Variants in FBLN2 observed in about 807,000 individuals in gnomAD.
FBLN2 encodes the protein fibulin-2.
FBLN2 carries 81 observed loss-of-function variants against 123.7 expected under a neutral mutation model. The ratio of observed to expected loss-of-function variants is 0.65; its 90% CI spans 0.55 to 0.79. FBLN2 has a LOEUF of 0.79. Among genes scored for constraint, FBLN2 ranks in the 30% least tolerant of loss-of-function variants. FBLN2 has a pLI of 0.00. For synonymous variants in FBLN2, 699 were observed against 701.4 expected (o/e 1.00, Z 0.05); for missense variants, 1,603 against 1,681.3 (o/e 0.95, Z 0.81).
At position 13,628,790 on chromosome 3, in the gene FBLN2, G is replaced by T. The variant is rs1050149535; in HGVS notation, c.2570-115G>T. 95 of 1,264,812 alleles carry T rather than the reference G, an allele frequency of 7.5e-5. 1 individual carries two copies. The highest frequency in any genetic ancestry group is 3.3e-4 in the South Asian group (22 of 66,070). 78.3% of individuals were successfully genotyped at this position (1,264,812 alleles called of 1,614,324 possible). A position where few individuals can be genotyped will look rare whatever the true frequency, so the allele number is the denominator to read the frequency against. The stretch of plus-strand genomic sequence containing the variant: ...TAGGACAGTCTGGCCCTGCAACTCT[G>T]ACCAGGGCAGGTCTGGAGCCCAGGA... On this transcript the variant is annotated intron_variant, in intron 11 of 17. Transcript: ENST00000404922.
At chr3:13,592,013 C>CT (rs1574966309) in intron 2 of FBLN2, among the ~76,000 whole-genome samples, 1 of 145,592 alleles carries the variant, frequency 6.9e-6, no homozygotes, top group African/African-American at 2.6e-5. Context: ...TCTGGCCTCT[C>CT]TTTTCTTTTT....
chr3:13,555,693 A>G (rs865878579), intron 1 of FBLN2, among the ~76,000 whole-genome samples: 5 of 152,010 alleles, frequency 3.3e-5, no homozygotes, highest in Admixed American at 6.6e-5. Flanking sequence ...TGACCTTGTG[A>G]TCCACCCGCC....
At chr3:13,631,097 C>T (rs916008821) in intron 15 of FBLN2, among the ~76,000 whole-genome samples, 9 of 152,196 alleles carry the variant, frequency 5.9e-5, no homozygotes, top group Non-Finnish European at 1.2e-4. Flanking sequence ...TCTGATTGTC[C>T]CCTCAGCTGG....
At chr3:13,558,984 C>G (rs542178094) in intron 1 of FBLN2, among the ~76,000 whole-genome samples, 1 of 152,040 alleles carries the variant, frequency 6.6e-6, no homozygotes, top group African/African-American at 2.4e-5. Flanking sequence ...AGAGAGTTTT[C>G]CAGTTTAGCA....
intron 1 of FBLN2, among the ~76,000 whole-genome samples, chr3:13,560,433 G>C (rs910178706): frequency 6.6e-6 from 1 of 152,162 alleles, no homozygotes; most frequent in Non-Finnish European, 1.5e-5. Flanking sequence ...TGTACTTCAC[G>C]TGTAGGGCTT....
chr3:13,555,615 T>C (rs1436501233), intron 1 of FBLN2, among the ~76,000 whole-genome samples: 3 of 151,890 alleles, frequency 2.0e-5, no homozygotes, highest in Admixed American at 6.6e-5. Flanking sequence ...CCACCATGCC[T>C]GGCTAATTTT....
At position 13,571,178 on chromosome 3, in the gene FBLN2, G is replaced by A. The variant is rs375407170; in HGVS notation, c.823G>A (p.Glu275Lys). 1.1e-5 allele frequency: 17 copies of A among 1,565,636 alleles called. No individual in the cohort carries two copies. Among genetic ancestry groups the A allele is most frequent in the African/African-American group, 6.8e-5 (5 of 73,728 alleles). The change falls in exon 2 of 18, where the codon GAG becomes AAG. Residue 275 changes from glutamate (E) to lysine (K), a missense_variant. Glu to Lys is a moderately conservative substitution (Grantham distance 56). Coordinates refer to ENST00000404922, the MANE Select transcript of FBLN2 (RefSeq NM_001004019.2). Reference sequence around the variant, plus strand: ...GCAGGCCAAAGCTAGGAGAGTGACCGAGGACAGTGAGGAGGAAGAAGAGGA... The same window carrying A: ...GCAGGCCAAAGCTAGGAGAGTGACCAAGGACAGTGAGGAGGAAGAAGAGGA... ...PVQAKARRVT[E>K]DSEEEEEEEE...
At chr3:13,624,735 C>T (rs967835378) in intron 9 of FBLN2, among the ~76,000 whole-genome samples, 2 of 152,268 alleles carry the variant, frequency 1.3e-5, no homozygotes, top group African/African-American at 2.4e-5. Context: ...ACCTGCCTGT[C>T]CTTGAGGGCC....
Position 13,637,701 on chromosome 3 carries a change from A to G in FBLN2, c.3478A>G (p.Thr1160Ala). 1 of 1,613,970 alleles carries G rather than the reference A, an allele frequency of 6.2e-7. No homozygotes were observed. Among genetic ancestry groups the G allele is most frequent in the Non-Finnish European group, 8.5e-7 (1 of 1,179,870 alleles). Residue 1160 changes from threonine (T) to alanine (A), a missense_variant, in exon 18 of 18, where the codon ACG becomes GCG. Physicochemically the swap from Thr to Ala is moderately conservative, Grantham distance 58. Coordinates refer to ENST00000404922, the MANE Select transcript of FBLN2 (RefSeq NM_001004019.2). ...CCGCATTGGCCCCGCGCCAGCCTTC[A>G]CGGGGGACACCATCGCCCTGAACAT... ...IFRIGPAPAF[T>A]GDTIALNIIK...
chr3:13,594,579 TG>T (rs1216197165), intron 2 of FBLN2, among the ~76,000 whole-genome samples: 3 of 152,222 alleles, frequency 2.0e-5, no homozygotes, highest in Non-Finnish European at 2.9e-5. Context: ...TCTGCCTCCC[TG>T]GGTCTTGGTT....
At position 13,628,977 on chromosome 3, in the gene FBLN2, A is replaced by G; in HGVS notation, c.2642A>G (p.Tyr881Cys). ...AGCTGCATCAACACGGTGGGCTCCT[A>G]CACATGCCAGAGGAACCCGCTGATC... The part of the protein sequence containing the change: ...GFSCINTVGS[Y>C]TCQRNPLICA... Residue 881 changes from tyrosine to cysteine, a missense_variant, in exon 12 of 18, where the codon TAC becomes TGC. Physicochemically the swap from Tyr to Cys is radical, Grantham distance 194. Coordinates refer to ENST00000404922, the MANE Select transcript of FBLN2 (RefSeq NM_001004019.2). 1 of 1,613,600 alleles carries G rather than the reference A, an allele frequency of 6.2e-7. No individual in the cohort carries two copies. The highest frequency in any genetic ancestry group is 8.5e-7 in the Non-Finnish European group (1 of 1,179,770).
chr3:13,612,586 T>A (rs972410397), intron 4 of FBLN2, among the ~76,000 whole-genome samples: 1 of 149,666 alleles, frequency 6.7e-6, no homozygotes, highest in African/African-American at 2.5e-5. Flanking sequence ...TTTCACTGTT[T>A]TAGCCAGGAT....
In FBLN2 at chr3:13,626,065, G is replaced by C. The variant is rs1388491608; in HGVS notation, c.2297-380G>C. Among the ~76,000 whole-genome samples the C allele has an allele frequency of 2.0e-5, 3 of 152,174 alleles. No homozygotes were observed. The South Asian group carries it at 6.2e-4, about 32-fold the overall frequency. On this transcript the variant is annotated intron_variant, in intron 9 of 17. Transcript: ENST00000404922. ...CCCATCCCGCCCAGCGCCCCCCGCT[G>C]TACCTGGGCACTCCCTGTCTCCTGC... is the stretch of plus-strand genomic sequence containing the variant.
intron 4 of FBLN2, among the ~76,000 whole-genome samples, chr3:13,611,060 C>T (rs1198967783): frequency 6.6e-6 from 1 of 152,110 alleles, no homozygotes; most frequent in Non-Finnish European, 1.5e-5. Context: ...GCACCTGCCA[C>T]TACGCCCAGC....
At chr3:13,581,632 C>T (rs886466926) in intron 2 of FBLN2, among the ~76,000 whole-genome samples, 8 of 152,074 alleles carry the variant, frequency 5.3e-5, no homozygotes, top group Middle Eastern at 3.2e-3. Context: ...CTCCTGGCCA[C>T]GAGAGTCACT....
intron 1 of FBLN2, chr3:13,566,536 C>T (rs984066619): frequency 2.0e-5 from 3 of 152,332 alleles, no homozygotes; most frequent in Non-Finnish European, 2.9e-5. Flanking sequence ...GTCTGCTATT[C>T]TCCCAGGTGA....
In FBLN2 at chr3:13,571,089, C is replaced by T; in HGVS notation, c.734C>T (p.Pro245Leu). The change falls in exon 2 of 18, where the codon CCC becomes CTC. Residue 245 changes from proline to leucine, a missense_variant. Pro to Leu is a moderately conservative substitution (Grantham distance 98, BLOSUM62 -3). Transcript: ENST00000404922. ...CAGCCACTGTCCACCATCCAGGCACCCCCCTGGCCAGCTGTCCTCCCCAGG... is the reference window on the plus strand; with the variant it reads ...CAGCCACTGTCCACCATCCAGGCACTCCCCTGGCCAGCTGTCCTCCCCAGG... Reference protein sequence around the residue: ...GSQPLSTIQAPPWPAVLPRPT... With the variant: ...GSQPLSTIQALPWPAVLPRPT... 6.4e-7 allele frequency: 1 copy of T among 1,553,366 alleles called. No homozygotes were observed. The highest frequency in any genetic ancestry group is 1.2e-5 in the South Asian group (1 of 84,296).
intron 2 of FBLN2, among the ~76,000 whole-genome samples, chr3:13,589,579 T>C (rs1265548853): frequency 2.0e-5 from 3 of 152,196 alleles, no homozygotes; most frequent in African/African-American, 7.2e-5. Context: ...CTCATCATTG[T>C]CCAGTGCTCT....
At chr3:13,608,717 C>T (rs934497836) in intron 3 of FBLN2, among the ~76,000 whole-genome samples, 2 of 152,166 alleles carry the variant, frequency 1.3e-5, no homozygotes, top group African/African-American at 4.8e-5. Flanking sequence ...GTCAGCTGCT[C>T]ATGCTTTGTT....
Sources: gnomAD v4.1 joint callset for allele counts (sites outside exome capture counted in the v4.1 genomes callset) on GRCh38, gnomAD v4.1.1 for gene constraint, MANE v1.5 for transcripts, NCBI Gene and HGNC (gene_info 2026-07-23, HGNC 2026-07-21) for gene names.